CASP10: variants seen among roughly 807,000 people sequenced by gnomAD.
The protein encoded by CASP10 is caspase-10.
CASP10 carries 41 observed loss-of-function variants against 48.5 expected under a neutral mutation model. That is an observed-to-expected ratio of 0.85 (90% CI 0.66 to 1.10). The LOEUF (loss-of-function observed/expected upper bound fraction) is 1.10, where lower values mean the gene tolerates loss of function less well. Ranked by LOEUF, CASP10 falls within the 50% of genes least tolerant of loss-of-function variation. The pLI is 0.00. For synonymous variants in CASP10, 232 were observed against 238.4 expected, an observed-to-expected ratio of 0.97 and a Z score of 0.25; for missense variants, 614 against 614.5, an observed-to-expected ratio of 1.00 and a Z score of 0.01.
intron 1 of CASP10, 68 bp from the exon 2 acceptor site, chr2:201,185,703 C>G: frequency 1.1e-6 from 1 of 951,252 alleles, no homozygotes; most frequent in South Asian, 1.3e-5. Flanking sequence ...GAGGGGAGGG[C>G]CTGGGAAGTC....
chr2:201,205,342 A>G (rs1365123218), intron 6 of CASP10, among the ~76,000 whole-genome samples: 1 of 151,540 alleles, frequency 6.6e-6, no homozygotes, highest in African/African-American at 2.4e-5. Flanking sequence ...CTCCCACCTC[A>G]ACGTCCCAGG....
intron 5 of CASP10, among the ~76,000 whole-genome samples, chr2:201,198,223 TTC>T (rs1944873068): frequency 6.6e-6 from 1 of 151,524 alleles, no homozygotes; most frequent in Non-Finnish European, 1.5e-5. Context: ...TTATTTTTAA[TTC>T]TTTTTTTTTT....
chr2:201,218,087 T>G lies in CASP10; in HGVS notation c.*346T>G. 1.3e-6 allele frequency: 1 copy of G among 751,200 alleles called. No individual in the cohort carries two copies. The highest frequency in any genetic ancestry group is 1.8e-6 in the Non-Finnish European group (1 of 563,026). 46.5% of individuals were successfully genotyped at this position (751,200 alleles called of 1,614,324 possible). A position where few individuals can be genotyped will look rare whatever the true frequency, so the allele number is the denominator to read the frequency against. On this transcript the variant is annotated 3_prime_UTR_variant, in exon 10 of 10. Transcript: ENST00000286186. ...TACCACCGTGCCCGGATTTTTTTTA[T>G]TCTTTATTTTTTGTAGAGATGGAGG...
intron 9 of CASP10, among the ~76,000 whole-genome samples, chr2:201,216,189 T>C (rs907780739): frequency 6.7e-6 from 1 of 150,114 alleles, no homozygotes; most frequent in Non-Finnish European, 1.5e-5. Flanking sequence ...TTAATATTAA[T>C]TTAAATAATA....
chr2:201,225,825 G>C (rs1221962209), downstream of CASP10, among the ~76,000 whole-genome samples: 3 of 152,148 alleles, frequency 2.0e-5, no homozygotes, highest in Non-Finnish European at 2.9e-5. Context: ...AATTAGCTGG[G>C]CATGGTGGCG....
At position 201,195,961 on chromosome 2, in the gene CASP10, G is replaced by C. The variant is rs1335593728; in HGVS notation, c.684+13G>C. ...GGAAGCCTTACCGGTAGGTTCAGTGGTGTGCTGGTCAATGCTTAACAACCG... is the reference window on the plus strand; with the variant it reads ...GGAAGCCTTACCGGTAGGTTCAGTGCTGTGCTGGTCAATGCTTAACAACCG... On this transcript the variant is annotated intron_variant, in intron 5 of 9. Coordinates refer to ENST00000286186, the MANE Select transcript of CASP10 (RefSeq NM_032977.4). The C allele has an allele frequency of 1.9e-6, 3 of 1,572,878 alleles. No homozygotes were observed. Among genetic ancestry groups the C allele is most frequent in the Admixed American group, 1.7e-5 (1 of 59,956 alleles).
chr2:201,228,302 C>G (rs1160778816), intron 9 of CASP10, among the ~76,000 whole-genome samples: 1 of 152,130 alleles, frequency 6.6e-6, no homozygotes, highest in East Asian at 1.9e-4. Context: ...GCCAGTGACA[C>G]TACATTCCAA....
intron 5 of CASP10, among the ~76,000 whole-genome samples, chr2:201,198,269 G>C (rs1944875851): frequency 6.6e-6 from 1 of 150,434 alleles, no homozygotes; most frequent in African/African-American, 2.4e-5. Flanking sequence ...TGTCGCCCAG[G>C]CTGGAGTGCA....
In CASP10 at chr2:201,218,068, C is replaced by A; in HGVS notation, c.*327C>A. ...AGCTGGGACCACAGGTGTGTACCAC[C>A]GTGCCCGGATTTTTTTTATTCTTTA... On this transcript the variant is annotated 3_prime_UTR_variant, in exon 10 of 10. Transcript: ENST00000286186. 2 of 700,494 alleles carry A rather than the reference C, an allele frequency of 2.9e-6. No individual in the cohort carries two copies. Among genetic ancestry groups the A allele is most frequent in the Non-Finnish European group, 3.9e-6 (2 of 510,220 alleles). 43.4% of individuals were successfully genotyped at this position (700,494 alleles called of 1,614,324 possible).
chr2:201,195,282 G>A (rs1187136798), intron 4 of CASP10, among the ~76,000 whole-genome samples: 1 of 151,842 alleles, frequency 6.6e-6, no homozygotes, highest in African/African-American at 2.4e-5. Context: ...AGTAGAGATG[G>A]GGTTTCACCA....
At chr2:201,200,911 G>A (rs1282553265) in intron 5 of CASP10, among the ~76,000 whole-genome samples, 1 of 152,032 alleles carries the variant, frequency 6.6e-6, no homozygotes, top group African/African-American at 2.4e-5. Flanking sequence ...TTGAGGGAGA[G>A]AGGCTGCTCC....
Position 201,209,355 on chromosome 2 carries a change from G to C in CASP10, c.1208G>C (p.Gly403Ala), listed in dbSNP as rs751433656. Residue 403 changes from glycine (G) to alanine (A), a missense_variant, in exon 9 of 10, where the codon GGT becomes GCT. Physicochemically the swap from Gly to Ala is moderately conservative, Grantham distance 60. Coordinates refer to ENST00000286186, the MANE Select transcript of CASP10 (RefSeq NM_032977.4). ...CTCTTTTTCATCCAGGCCTGCCAAG[G>C]TGAAGAGATACAGCCTTCCGTATCC... Reference protein sequence around the residue: ...PKLFFIQACQGEEIQPSVSIE... With the variant: ...PKLFFIQACQAEEIQPSVSIE... The C allele has an allele frequency of 6.2e-7, 1 of 1,613,130 alleles. No individual in the cohort carries two copies. The highest frequency in any genetic ancestry group is 8.5e-7 in the Non-Finnish European group (1 of 1,179,302).
intron 8 of CASP10, 50 bp downstream of exon 8, chr2:201,208,233 T>G: frequency 6.3e-7 from 1 of 1,577,728 alleles, no homozygotes; most frequent in Non-Finnish European, 8.6e-7. Context: ...GATCTTAAAA[T>G]TATTTTTTAT....
chr2:201,209,041 CTTTTTTTT>C, intron 8 of CASP10, 21 bp from the exon 9 acceptor site: 2 of 1,322,604 alleles, frequency 1.5e-6, no homozygotes, highest in Non-Finnish European at 2.0e-6. Context: ...CTCTCTCTCT[CTTTTTTTT>C]TTTTTTTTGT....
At position 201,219,629 on chromosome 2, in the gene CASP10, G is replaced by T; in HGVS notation, c.*1888G>T. On this transcript the variant is annotated 3_prime_UTR_variant, in exon 10 of 10. Transcript: ENST00000286186. ...TCTTGGCAGAGGGGATGTCTGGCTT[G>T]CCTGAAGGGAGTGGCTCTGTAAGGA... is the stretch of plus-strand genomic sequence containing the variant. 1.0e-6 allele frequency: 1 copy of T among 985,200 alleles called. No individual in the cohort carries two copies. The highest frequency in any genetic ancestry group is 1.2e-6 in the Non-Finnish European group (1 of 829,930). The allele number at this position is 985,200 out of a possible 1,614,324, so 61.0% of individuals were successfully genotyped here. A position where few individuals can be genotyped will look rare whatever the true frequency, so the allele number is the denominator to read the frequency against.
chr2:201,225,236 T>C (rs544090064), downstream of CASP10, among the ~76,000 whole-genome samples: 3 of 152,344 alleles, frequency 2.0e-5, no homozygotes, highest in Admixed American at 1.3e-4. Flanking sequence ...TTAGAGTCCA[T>C]GTGTCTTTGT....
At chr2:201,227,306 C>T (rs571814055) in intron 9 of CASP10, among the ~76,000 whole-genome samples, 44 of 152,152 alleles carry the variant, frequency 2.9e-4, no homozygotes, top group African/African-American at 1.0e-3. Flanking sequence ...CCCTCTTGGG[C>T]AGAGTATGTT....
intron 9 of CASP10, among the ~76,000 whole-genome samples, chr2:201,228,520 C>T (rs1364237029): frequency 6.6e-6 from 1 of 152,194 alleles, no homozygotes; most frequent in Non-Finnish European, 1.5e-5. Flanking sequence ...TTAACAACTC[C>T]AGCCCTTGGG....
intron 9 of CASP10, chr2:201,228,928 A>T (rs756929385): frequency 6.2e-7 from 1 of 1,614,004 alleles, no homozygotes; most frequent in South Asian, 1.1e-5. Context: ...CTTTGTGCTC[A>T]GTAGGATGCT....
Sources: gnomAD v4.1 joint callset for allele counts (sites outside exome capture counted in the v4.1 genomes callset) on GRCh38, gnomAD v4.1.1 for gene constraint, MANE v1.5 for transcripts, NCBI Gene and HGNC (gene_info 2026-07-23, HGNC 2026-07-21) for gene names.